Variants in TENM4 observed in about 807,000 individuals in gnomAD.
The protein encoded by TENM4 is teneurin-4.
A neutral mutation model predicts 243.3 loss-of-function variants in TENM4; 82 were observed. That is an observed-to-expected ratio of 0.34 (90% CI 0.28 to 0.40). TENM4 has a LOEUF of 0.40. TENM4 is among the 10% of genes least tolerant of loss of function. TENM4 has a pLI of 1.00. For missense variants in TENM4, 3,138 were observed against 3,673.3 expected, an observed-to-expected ratio of 0.85 and a Z score of 3.77; for synonymous variants, 1,412 against 1,456.3, an observed-to-expected ratio of 0.97 and a Z score of 0.69.
intron 6 of TENM4, among the ~76,000 whole-genome samples, chr11:78,982,456 T>A (rs1857820235): frequency 6.6e-6 from 1 of 152,042 alleles, no homozygotes; most frequent in African/African-American, 2.4e-5. Flanking sequence ...CTTAAGTGAT[T>A]GACAACTGGC....
chr11:79,341,985 A>C (rs976514974), intron 1 of TENM4, among the ~76,000 whole-genome samples: 3 of 152,200 alleles, frequency 2.0e-5, no homozygotes, highest in African/African-American at 4.8e-5. Flanking sequence ...GTGAGGACAA[A>C]GGAGAATGTG....
At chr11:79,014,124 T>C (rs1858715271) in intron 6 of TENM4, among the ~76,000 whole-genome samples, 1 of 147,922 alleles carries the variant, frequency 6.8e-6, no homozygotes, top group African/African-American at 2.7e-5. Context: ...AAATATTCAT[T>C]AAAAGAATAG....
intron 27 of TENM4, among the ~76,000 whole-genome samples, chr11:78,705,246 G>A (rs75307339): frequency 3.8e-4 from 58 of 152,314 alleles, no homozygotes; most frequent in East Asian, 2.1e-3. Context: ...TGAAAAGATC[G>A]TTCCTTGATG....
intron 5 of TENM4, chr11:79,067,846 A>G (rs1262392245): frequency 6.6e-6 from 1 of 152,186 alleles, no homozygotes. Flanking sequence ...TAGCTGTGCA[A>G]TCTTGGGCTT....
At chr11:79,153,990 C>CA (rs1266554820) in intron 3 of TENM4, among the ~76,000 whole-genome samples, 1 of 152,140 alleles carries the variant, frequency 6.6e-6, no homozygotes, top group Non-Finnish European at 1.5e-5. Context: ...CTTTCAGACT[C>CA]AAAAACACTG....
At chr11:79,217,878 A>G (rs1353232390) in intron 2 of TENM4, among the ~76,000 whole-genome samples, 1 of 152,112 alleles carries the variant, frequency 6.6e-6, no homozygotes, top group Non-Finnish European at 1.5e-5. Flanking sequence ...GCCCACCACC[A>G]CGGCTGGCTA....
intron 9 of TENM4, among the ~76,000 whole-genome samples, chr11:78,881,710 G>A (rs1007904810): frequency 2.0e-5 from 3 of 152,214 alleles, no homozygotes; most frequent in Admixed American, 6.5e-5. Context: ...GAAGGGCACT[G>A]TCAAACTCTT....
At chr11:79,139,535 A>G (rs1862220267) in intron 4 of TENM4, among the ~76,000 whole-genome samples, 1 of 83,286 alleles carries the variant, frequency 1.2e-5, no homozygotes, top group East Asian at 3.8e-4. Context: ...ATTTCTAGAA[A>G]TATATAAAAT....
intron 9 of TENM4, among the ~76,000 whole-genome samples, chr11:78,880,488 A>AAAAAAAAAAAAG (rs1368857006): frequency 8.7e-4 from 98 of 112,958 alleles, no homozygotes; most frequent in African/African-American, 1.7e-3. Flanking sequence ...AAAAAAAAAA[A>AAAAAAAAAAAAG]AGAAAGAAAA....
intron 6 of TENM4, among the ~76,000 whole-genome samples, chr11:79,033,732 T>G (rs1003219351): frequency 3.1e-4 from 47 of 152,340 alleles, no homozygotes; most frequent in African/African-American, 9.9e-4. Flanking sequence ...TAGCTGGTTT[T>G]GCTATCAGAG....
rs368340836 is a variant in TENM4, at chr11:79,159,003, T to C, written c.-162-10197A>G. 2.0e-5 allele frequency among the ~76,000 whole-genome samples: 3 copies of C among 152,188 alleles called. No homozygotes were observed. The South Asian group carries it at 6.2e-4, about 31-fold the overall frequency. On this transcript the variant is annotated intron_variant, in intron 3 of 33. Coordinates refer to ENST00000278550, the MANE Select transcript of TENM4 (RefSeq NM_001098816.3). ...CCTGTTCTTCGCAGCCAATATCCAC[T>C]TTCCTTATAGAGAGGTTGAAGTGAG...
At chr11:78,728,499 G>C (rs755315056) in intron 22 of TENM4, among the ~76,000 whole-genome samples, 1 of 142,576 alleles carries the variant, frequency 7.0e-6, no homozygotes, top group Non-Finnish European at 1.5e-5. Context: ...CCTTGCTTCT[G>C]CTCCCTCCCT....
intron 30 of TENM4, among the ~76,000 whole-genome samples, chr11:78,674,784 A>C (rs1026142429): frequency 6.6e-6 from 1 of 152,126 alleles, no homozygotes; most frequent in African/African-American, 2.4e-5. Flanking sequence ...TTGAGGGAAC[A>C]AACGAAGCCT....
intron 6 of TENM4, among the ~76,000 whole-genome samples, chr11:78,947,290 A>G (rs1282909582): frequency 3.9e-5 from 6 of 152,206 alleles, no homozygotes; most frequent in African/African-American, 1.4e-4. Context: ...AGGGGACTCA[A>G]CTTGCCCAAG....
intron 1 of TENM4, among the ~76,000 whole-genome samples, chr11:79,372,718 G>C (rs1245747688): frequency 6.6e-6 from 1 of 152,172 alleles, no homozygotes; most frequent in Admixed American, 6.5e-5. Context: ...TTGTTTGGAA[G>C]GATATATGAG....
intron 2 of TENM4, among the ~76,000 whole-genome samples, chr11:79,241,867 G>A (rs1855427136): frequency 6.6e-6 from 1 of 152,156 alleles, no homozygotes; most frequent in African/African-American, 2.4e-5. Context: ...AAACTAGCAA[G>A]GGGGCGGCAG....
At position 79,069,843 on chromosome 11, in the gene TENM4, G is replaced by A. The variant is rs1372396041; in HGVS notation, c.102C>T (p.Ala34=). The change falls in exon 5 of 34, where the codon GCC becomes GCT. Residue 34 remains alanine (A), a synonymous_variant. Coordinates refer to ENST00000278550, the MANE Select transcript of TENM4 (RefSeq NM_001098816.3). ...CGCTGGAGCTGTACGATTTCTGCGG[G>A]GCTTTGCCCTCCTCGCTGTCCGCGG... The part of the protein sequence containing the change: ...SSSADSEEGK[A]PQKSYSSSET... The A allele has an allele frequency of 6.4e-7, 1 of 1,550,772 alleles. No individual in the cohort carries two copies. Among genetic ancestry groups the A allele is most frequent in the Admixed American group, 2.0e-5 (1 of 51,012 alleles).
At chr11:79,427,214 G>A (rs566194647) in intron 1 of TENM4, among the ~76,000 whole-genome samples, 7 of 152,136 alleles carry the variant, frequency 4.6e-5, no homozygotes, top group Non-Finnish European at 7.4e-5. Context: ...GGCCCATCAC[G>A]GATCAGCACA....
chr11:78,979,889 A>G (rs188352463), intron 6 of TENM4, among the ~76,000 whole-genome samples: 1 of 152,330 alleles, frequency 6.6e-6, no homozygotes, highest in Admixed American at 6.5e-5. Flanking sequence ...TCTGAAATTT[A>G]GCTGAAAATT....
Sources: gnomAD v4.1 joint callset for allele counts (sites outside exome capture counted in the v4.1 genomes callset) on GRCh38, gnomAD v4.1.1 for gene constraint, MANE v1.5 for transcripts, NCBI Gene and HGNC (gene_info 2026-07-23, HGNC 2026-07-21) for gene names.